Variants in ZFPM2 observed in about 807,000 individuals in gnomAD.
ZFPM2 encodes zinc finger protein, FOG family member 2, also known as zinc finger protein ZFPM2.
In ZFPM2, 20 loss-of-function variants were observed where a neutral mutation model predicts 98.6. The ratio of observed to expected loss-of-function variants is 0.20; its 90% CI spans 0.14 to 0.29. The LOEUF is 0.29. Among genes scored for constraint, ZFPM2 ranks in the 10% least tolerant of loss-of-function variants. The pLI, the probability that ZFPM2 is intolerant of heterozygous loss-of-function variation, is 1.00. For synonymous variants in ZFPM2, 518 were observed against 502.7 expected, an observed-to-expected ratio of 1.03 and a Z score of -0.41; for missense variants, 1,310 against 1,388.6, an observed-to-expected ratio of 0.94 and a Z score of 0.90.
At chr8:105,346,493 A>T (rs1812531642) in intron 1 of ZFPM2, among the ~76,000 whole-genome samples, 1 of 152,154 alleles carries the variant, frequency 6.6e-6, no homozygotes, top group African/African-American at 2.4e-5. Context: ...ATAAACATTT[A>T]TTTCCTTCAT....
At chr8:105,676,182 A>G (rs1311484186) in intron 5 of ZFPM2, among the ~76,000 whole-genome samples, 3 of 152,178 alleles carry the variant, frequency 2.0e-5, no homozygotes, top group Non-Finnish European at 4.4e-5. Flanking sequence ...TTGTTCAACA[A>G]GCATTCCTAA....
At chr8:105,529,579 AT>A (rs35183035) in intron 3 of ZFPM2, among the ~76,000 whole-genome samples, 27,175 of 136,492 alleles carry the variant, frequency 0.2, 2,301 homozygotes, top group African/African-American at 0.27. Context: ...AACTCTCAGC[AT>A]TTTTTTTTTT....
chr8:105,736,614 A>G (rs1812078404), intron 5 of ZFPM2, among the ~76,000 whole-genome samples: 1 of 152,052 alleles, frequency 6.6e-6, no homozygotes. Flanking sequence ...TCACTACTGC[A>G]CAGAGACCCT....
chr8:105,517,707 C>CCACACACACACACACA (rs1554613621), intron 3 of ZFPM2, among the ~76,000 whole-genome samples: 90 of 124,958 alleles, frequency 7.2e-4, no homozygotes, highest in Middle Eastern at 4.1e-3. Context: ...CACACACACA[C>CCACACACACACACACA]CACACACACA....
chr8:105,649,287 T>A lies in ZFPM2; in HGVS notation c.532+14930T>A, dbSNP rs529402305. ...GCTTAAGGAGATTTTGGGCTGAGAC[T>A]ATGGGGTTTTCTAAATATACAATCA... On this transcript the variant is annotated intron_variant, in intron 5 of 7. Transcript: ENST00000407775. Among the ~76,000 whole-genome samples the A allele has an allele frequency of 6.9e-4, 105 of 152,228 alleles. 2 individuals carry two copies. The highest frequency in any genetic ancestry group is 2.4e-3 in the African/African-American group (99 of 41,552).
chr8:105,348,602 G>A (rs113654343), intron 1 of ZFPM2, among the ~76,000 whole-genome samples: 8 of 152,270 alleles, frequency 5.3e-5, no homozygotes, highest in African/African-American at 1.9e-4. Context: ...AAAGTGTGCT[G>A]TGACTACAGG....
At chr8:105,322,910 T>G (rs1406701857) in intron 1 of ZFPM2, among the ~76,000 whole-genome samples, 1 of 152,088 alleles carries the variant, frequency 6.6e-6, no homozygotes, top group African/African-American at 2.4e-5. Flanking sequence ...ATTCCTAACT[T>G]GCGCATTGGC....
rs1814122309 is a variant in ZFPM2, at chr8:105,803,781, T to C, written c.*243T>C. ...TCATAGCTGTGGTTATGTTATTTTTTATTTAAAAACTTTATATTAAAGTCA... is the reference window on the plus strand; with the variant it reads ...TCATAGCTGTGGTTATGTTATTTTTCATTTAAAAACTTTATATTAAAGTCA... On this transcript the variant is annotated 3_prime_UTR_variant, in exon 8 of 8. Coordinates refer to ENST00000407775, the MANE Select transcript of ZFPM2 (RefSeq NM_012082.4). The C allele has an allele frequency of 4.4e-6, 2 of 457,600 alleles. No homozygotes were observed. Among genetic ancestry groups the C allele is most frequent in the Non-Finnish European group, 7.8e-6 (2 of 256,672 alleles). The allele number at this position is 457,600 out of a possible 1,614,324, so 28.3% of individuals were successfully genotyped here. A position where few individuals can be genotyped will look rare whatever the true frequency, so the allele number is the denominator to read the frequency against.
intron 5 of ZFPM2, among the ~76,000 whole-genome samples, chr8:105,745,939 T>G (rs1202344929): frequency 6.6e-6 from 1 of 152,144 alleles, no homozygotes; most frequent in African/African-American, 2.4e-5. Flanking sequence ...TTTGTATTTT[T>G]TTGTTGTTGT....
chr8:105,474,108 G>A (rs917585290), intron 3 of ZFPM2, among the ~76,000 whole-genome samples: 2 of 152,226 alleles, frequency 1.3e-5, no homozygotes, highest in Admixed American at 1.3e-4. Context: ...GTGACTAAGC[G>A]AGGTTCTTGA....
In ZFPM2 at chr8:105,342,382, G is replaced by C. The variant is rs530998750; in HGVS notation, c.40+23401G>C. Among the ~76,000 whole-genome samples, 110 of 152,070 alleles carry C rather than the reference G, an allele frequency of 7.2e-4. 1 individual carries two copies. Among genetic ancestry groups the C allele is most frequent in the South Asian group, 2.5e-3 (12 of 4,820 alleles). On this transcript the variant is annotated intron_variant, in intron 1 of 7. Coordinates refer to ENST00000407775, the MANE Select transcript of ZFPM2 (RefSeq NM_012082.4). ...AGAATTAGTTAGCACAGTTGCTCTA[G>C]GAGAACTCTTGAAGAATCCTTCTCT...
chr8:105,321,042 T>A (rs1237603435), intron 1 of ZFPM2, among the ~76,000 whole-genome samples: 1 of 152,238 alleles, frequency 6.6e-6, no homozygotes, highest in Non-Finnish European at 1.5e-5. Context: ...TGGACACCCC[T>A]TCTTCCATTC....
intron 4 of ZFPM2, among the ~76,000 whole-genome samples, chr8:105,598,947 A>C (rs1816032142): frequency 6.6e-6 from 1 of 152,190 alleles, no homozygotes; most frequent in African/African-American, 2.4e-5. Context: ...AAGACACTGC[A>C]TGTGGTCAGA....
At chr8:105,628,769 T>A (rs1476147867) in intron 4 of ZFPM2, among the ~76,000 whole-genome samples, 2 of 151,868 alleles carry the variant, frequency 1.3e-5, no homozygotes, top group Non-Finnish European at 2.9e-5. Flanking sequence ...GACAATAAAA[T>A]CCCCTGCATT....
chr8:105,591,999 A>G (rs62527239), intron 4 of ZFPM2, among the ~76,000 whole-genome samples: 24,673 of 152,206 alleles, frequency 0.16, 2,340 homozygotes, highest in Middle Eastern at 0.24. Context: ...CTCAAAACAC[A>G]AGCAGCTTAG....
intron 5 of ZFPM2, among the ~76,000 whole-genome samples, chr8:105,706,536 A>G (rs1232060044): frequency 6.6e-6 from 1 of 152,060 alleles, no homozygotes; most frequent in African/African-American, 2.4e-5. Context: ...TGTTCCTGGT[A>G]ATGAGGATAG....
At chr8:105,343,536 G>T (rs1375975467) in intron 1 of ZFPM2, among the ~76,000 whole-genome samples, 1 of 152,132 alleles carries the variant, frequency 6.6e-6, no homozygotes, top group East Asian at 1.9e-4. Context: ...TAGGTCAGAA[G>T]GAAATAATTC....
intron 1 of ZFPM2, among the ~76,000 whole-genome samples, chr8:105,384,037 A>G (rs1393027770): frequency 6.6e-6 from 1 of 152,168 alleles, no homozygotes; most frequent in African/African-American, 2.4e-5. Context: ...CTTAGGAAAT[A>G]TGCTATAATT....
chr8:105,597,640 ATAT>A (rs887639812), intron 4 of ZFPM2, among the ~76,000 whole-genome samples: 6 of 152,256 alleles, frequency 3.9e-5, no homozygotes, highest in East Asian at 1.9e-4. Context: ...ATGCAGATAA[ATAT>A]TATAATAATG....
Sources: gnomAD v4.1 joint callset for allele counts (sites outside exome capture counted in the v4.1 genomes callset) on GRCh38, gnomAD v4.1.1 for gene constraint, MANE v1.5 for transcripts, NCBI Gene and HGNC (gene_info 2026-07-23, HGNC 2026-07-21) for gene names.